PRKCA: variants seen among roughly 807,000 people sequenced by gnomAD.
The protein encoded by PRKCA is protein kinase C alpha type.
PRKCA carries 27 observed loss-of-function variants against 87.0 expected under a neutral mutation model. That is an observed-to-expected ratio of 0.31 (90% confidence interval 0.23 to 0.43). The LOEUF (loss-of-function observed/expected upper bound fraction) is 0.43, where lower values mean the gene tolerates loss of function less well. Among genes scored for constraint, PRKCA ranks in the 20% least tolerant of loss-of-function variants. The pLI, the probability that PRKCA is intolerant of heterozygous loss-of-function variation, is 1.00. For synonymous variants in PRKCA, 329 were observed against 311.1 expected, an observed-to-expected ratio of 1.06 and a Z score of -0.61; for missense variants, 518 against 852.3, an observed-to-expected ratio of 0.61 and a Z score of 4.88.
intron 16 of PRKCA, among the ~76,000 whole-genome samples, chr17:66,797,487 C>A (rs1416241318): frequency 6.6e-6 from 1 of 152,176 alleles, no homozygotes; most frequent in African/African-American, 2.4e-5. Context: ...GATCACATGC[C>A]TTTTACATGC....
intron 2 of PRKCA, among the ~76,000 whole-genome samples, chr17:66,392,174 G>A (rs1910399389): frequency 6.6e-6 from 1 of 151,392 alleles, no homozygotes; most frequent in South Asian, 2.1e-4. Flanking sequence ...AGCTTGCAGT[G>A]AGCCGAGGTC....
At chr17:66,699,411 C>T (rs990891652) in intron 8 of PRKCA, among the ~76,000 whole-genome samples, 1 of 152,112 alleles carries the variant, frequency 6.6e-6, no homozygotes, top group African/African-American at 2.4e-5. Flanking sequence ...TACACACCAA[C>T]AAATTGGATA....
chr17:66,665,377 C>G (rs1373276135), intron 5 of PRKCA, among the ~76,000 whole-genome samples: 1 of 152,116 alleles, frequency 6.6e-6, no homozygotes, highest in African/African-American at 2.4e-5. Context: ...AAAAGGTTTT[C>G]TGGTATACGC....
chr17:66,334,327 T>C (rs4527055), intron 2 of PRKCA, among the ~76,000 whole-genome samples: 15,714 of 152,252 alleles, frequency 0.1, 871 homozygotes, highest in South Asian at 0.25. Flanking sequence ...GATCAAGTCA[T>C]CTCTGTTAAT....
chr17:66,804,084 G>C lies in PRKCA; in HGVS notation c.*47G>C. On this transcript the variant is annotated 3_prime_UTR_variant, in exon 17 of 17. Transcript: ENST00000413366. ...ACCTCCCCAGCCCCCAGCCCTCCCC[G>C]CAGTGGGAAGTGAATCCTTAACCCT... The C allele has an allele frequency of 6.4e-7, 1 of 1,573,220 alleles. No individual in the cohort carries two copies.
chr17:66,336,725 C>T (rs563891714), intron 2 of PRKCA, among the ~76,000 whole-genome samples: 11 of 103,072 alleles, frequency 1.1e-4, no homozygotes, highest in South Asian at 7.1e-4. Context: ...CTGGTTAATT[C>T]GCCACATCCT....
chr17:66,413,104 A>C (rs1262500710), intron 2 of PRKCA, among the ~76,000 whole-genome samples: 1 of 152,102 alleles, frequency 6.6e-6, no homozygotes, highest in East Asian at 1.9e-4. Context: ...GTCCCAAGAG[A>C]CTACTGCTTC....
chr17:66,724,289 C>T (rs1313071614), intron 8 of PRKCA, among the ~76,000 whole-genome samples: 2 of 136,612 alleles, frequency 1.5e-5, no homozygotes, highest in East Asian at 4.2e-4. Flanking sequence ...GAGCGAGACT[C>T]CATCTCAAAA....
At chr17:66,702,598 G>A (rs1456922291) in intron 8 of PRKCA, among the ~76,000 whole-genome samples, 6 of 152,164 alleles carry the variant, frequency 3.9e-5, no homozygotes, top group Non-Finnish European at 8.8e-5. Context: ...AATGGTAACT[G>A]TAAAGTGACA....
intron 2 of PRKCA, among the ~76,000 whole-genome samples, chr17:66,492,311 C>T (rs745640052): frequency 2.4e-4 from 36 of 152,108 alleles, no homozygotes; most frequent in Non-Finnish European, 1.3e-4. Flanking sequence ...AATGAGGGCC[C>T]GGGTCTTCTT....
At chr17:66,448,029 A>C (rs183323609) in intron 2 of PRKCA, among the ~76,000 whole-genome samples, 1 of 152,290 alleles carries the variant, frequency 6.6e-6, no homozygotes, top group Non-Finnish European at 1.5e-5. Context: ...CTTGGTATCT[A>C]GGAGCACTCA....
At chr17:66,388,139 G>T (rs946717976) in intron 2 of PRKCA, among the ~76,000 whole-genome samples, 1 of 152,028 alleles carries the variant, frequency 6.6e-6, no homozygotes, top group South Asian at 2.1e-4. Flanking sequence ...GCAGAGATCC[G>T]TGAGCCTGGA....
At chr17:66,775,323 T>C (rs61762769) in intron 14 of PRKCA, 84,456 of 985,114 alleles carry the variant, frequency 0.086, 3,887 homozygotes, top group African/African-American at 0.15. Context: ...TCCTCCTCCT[T>C]TCAGCCGAGC....
At chr17:66,566,008 C>T (rs528767288) in intron 3 of PRKCA, among the ~76,000 whole-genome samples, 4 of 152,172 alleles carry the variant, frequency 2.6e-5, no homozygotes, top group Admixed American at 6.5e-5. Context: ...TCACACCTGC[C>T]AGCTGTTTGT....
chr17:66,676,325 T>A (rs1440379411), intron 5 of PRKCA: 1 of 152,202 alleles, frequency 6.6e-6, no homozygotes, highest in East Asian at 1.9e-4. Flanking sequence ...GTCCAGCCCA[T>A]CGGCCACTTG....
intron 11 of PRKCA, among the ~76,000 whole-genome samples, chr17:66,741,022 G>A (rs999706554): frequency 6.6e-6 from 1 of 152,106 alleles, no homozygotes; most frequent in East Asian, 1.9e-4. Flanking sequence ...GCACAGTCTT[G>A]TGGCTTCTTC....
chr17:66,348,935 T>C lies in PRKCA; in HGVS notation c.205+42808T>C, dbSNP rs906611649. Among the ~76,000 whole-genome samples, 28 of 152,366 alleles carry C rather than the reference T, an allele frequency of 1.8e-4. 1 individual carries two copies. The highest frequency in any genetic ancestry group is 1.7e-3 in the Admixed American group (26 of 15,302). On this transcript the variant is annotated intron_variant, in intron 2 of 16. Coordinates refer to ENST00000413366, the MANE Select transcript of PRKCA (RefSeq NM_002737.3). The stretch of plus-strand genomic sequence containing the variant: ...AGAGACTTCCTGAGAACTTTTAGTA[T>C]AGCATTTAACTGAGAATGTATCAAG...
chr17:66,372,919 T>A (rs1909200587), intron 2 of PRKCA, among the ~76,000 whole-genome samples: 2 of 152,118 alleles, frequency 1.3e-5, no homozygotes, highest in African/African-American at 2.4e-5. Context: ...TAGCCGGGCT[T>A]GGTGGCGGGC....
intron 3 of PRKCA, among the ~76,000 whole-genome samples, chr17:66,566,472 GTTTTTTGGTTTTTT>G (rs988958218): frequency 6.0e-5 from 4 of 66,168 alleles, no homozygotes; most frequent in African/African-American, 1.9e-4. Context: ...AACTGTTGTT[GTTTTTTGGTTTTTT>G]TTTTTTTTTT....
Sources: gnomAD v4.1 joint callset for allele counts (sites outside exome capture counted in the v4.1 genomes callset) on GRCh38, gnomAD v4.1.1 for gene constraint, MANE v1.5 for transcripts, NCBI Gene and HGNC (gene_info 2026-07-23, HGNC 2026-07-21) for gene names.